PAX5: variants seen among roughly 807,000 people sequenced by gnomAD.
The protein encoded by PAX5 is paired box 5, also known as paired box protein Pax-5.
PAX5 carries 9 observed loss-of-function variants against 43.7 expected under a neutral mutation model. The ratio of observed to expected loss-of-function variants is 0.21; its 90% CI spans 0.12 to 0.36. The LOEUF (loss-of-function observed/expected upper bound fraction) is 0.36. PAX5 is among the 10% of genes least tolerant of loss of function. The pLI is 1.00. For missense variants in PAX5, 383 were observed against 532.7 expected, an observed-to-expected ratio of 0.72 and a Z score of 2.77; for synonymous variants, 228 against 214.3, an observed-to-expected ratio of 1.06 and a Z score of -0.56.
At chr9:36,927,794 C>T (rs754345908) in intron 6 of PAX5, among the ~76,000 whole-genome samples, 9 of 151,894 alleles carry the variant, frequency 5.9e-5, no homozygotes, top group Non-Finnish European at 1.0e-4. Context: ...CTGCAACCTC[C>T]GCCCCCCGGG....
chr9:36,940,034 T>G (rs1380918347), intron 6 of PAX5, among the ~76,000 whole-genome samples: 2 of 152,206 alleles, frequency 1.3e-5, no homozygotes, highest in African/African-American at 2.4e-5. Flanking sequence ...AGGCACCCAC[T>G]CCAGCCGGGG....
chr9:37,004,358 T>G (rs1838205242), intron 4 of PAX5, among the ~76,000 whole-genome samples: 1 of 152,336 alleles, frequency 6.6e-6, no homozygotes, highest in East Asian at 1.9e-4. Context: ...TCTTTTTTGA[T>G]TCATTAAAAC....
rs900101228 is a variant in PAX5 at position 36,882,827 on chromosome 9, G to C, written c.911-722C>G. 6.6e-6 allele frequency among the ~76,000 whole-genome samples: 1 copy of C among 152,262 alleles called. No homozygotes were observed. The highest frequency in any genetic ancestry group is 6.5e-5 in the Admixed American group (1 of 15,292). On this transcript the variant is annotated intron_variant, in intron 7 of 9. Transcript: ENST00000358127. This position sits in a 1 kb window ranked among gnomAD's most constrained non-coding sequence, Gnocchi z 4.4. ...CATGGGCGAGTGTCCAGCTCTTTCA[G>C]GCTGCTGTGCTTCTGACCATGAGTC...
rs571690236 is a variant in PAX5, at chr9:36,839,948, A to C, written c.*612T>G. 8.4e-6 allele frequency: 2 copies of C among 237,232 alleles called. No homozygotes were observed. The highest frequency in any genetic ancestry group is 3.4e-4 in the South Asian group (2 of 5,856). 14.7% of individuals were successfully genotyped at this position (237,232 alleles called of 1,614,324 possible). A position where few individuals can be genotyped will look rare whatever the true frequency, so the allele number is the denominator to read the frequency against. Reference sequence around the variant, plus strand: ...AACCAGCCCAGTGAGACTCCTCGTAAAGATACTAAAGAAGGAGGGATGAGC... The same window carrying C: ...AACCAGCCCAGTGAGACTCCTCGTACAGATACTAAAGAAGGAGGGATGAGC... On this transcript the variant is annotated 3_prime_UTR_variant, in exon 10 of 10. Coordinates refer to ENST00000358127, the MANE Select transcript of PAX5 (RefSeq NM_016734.3).
At chr9:36,923,995 G>C (rs1342087635) in intron 6 of PAX5, among the ~76,000 whole-genome samples, 2 of 152,282 alleles carry the variant, frequency 1.3e-5, no homozygotes, top group African/African-American at 4.8e-5. Flanking sequence ...AATAAACTGA[G>C]GCTCAAGGGG....
intron 7 of PAX5, among the ~76,000 whole-genome samples, chr9:36,886,122 C>A (rs1826886019): frequency 6.6e-6 from 1 of 152,110 alleles, no homozygotes; most frequent in South Asian, 2.1e-4. Context: ...CAGAGATGGA[C>A]CCAAACTGTG....
intron 7 of PAX5, among the ~76,000 whole-genome samples, chr9:36,896,599 G>A (rs895770119): frequency 1.3e-5 from 2 of 152,180 alleles, no homozygotes; most frequent in Admixed American, 6.5e-5. Flanking sequence ...TCCCTGAGAA[G>A]CAGATCAGGT....
intron 1 of PAX5, among the ~76,000 whole-genome samples, chr9:37,031,901 T>C (rs1841021541): frequency 6.6e-6 from 1 of 152,136 alleles, no homozygotes. Context: ...GCCCATGAAA[T>C]ACCCAGAAGT....
At chr9:36,851,896 C>G (rs1391313105) in intron 8 of PAX5, among the ~76,000 whole-genome samples, 1 of 152,196 alleles carries the variant, frequency 6.6e-6, no homozygotes, top group Non-Finnish European at 1.5e-5. Flanking sequence ...GTGCTCTGCT[C>G]TCTGCTGTTG....
chr9:36,952,780 T>C (rs1481169179), intron 6 of PAX5, among the ~76,000 whole-genome samples: 1 of 152,218 alleles, frequency 6.6e-6, no homozygotes, highest in Non-Finnish European at 1.5e-5. Context: ...TCCTGTCCCT[T>C]AGGACATTGC....
intron 7 of PAX5, among the ~76,000 whole-genome samples, chr9:36,889,950 G>A (rs923988626): frequency 7.1e-6 from 1 of 140,960 alleles, no homozygotes. Flanking sequence ...ACGGGGGGGG[G>A]GGGAATGTGA....
chr9:36,891,694 T>C (rs1587886968), intron 7 of PAX5, among the ~76,000 whole-genome samples: 1 of 152,138 alleles, frequency 6.6e-6, no homozygotes, highest in Non-Finnish European at 1.5e-5. Context: ...TAATGACAGG[T>C]TTATTAGCCA....
At chr9:36,984,176 A>G (rs1166991610) in intron 5 of PAX5, among the ~76,000 whole-genome samples, 1 of 152,158 alleles carries the variant, frequency 6.6e-6, no homozygotes, top group African/African-American at 2.4e-5. Context: ...CCAGGGAGAG[A>G]AAAATCACCT....
chr9:37,023,847 G>A (rs1268654583), intron 1 of PAX5, among the ~76,000 whole-genome samples: 1 of 152,172 alleles, frequency 6.6e-6, no homozygotes, highest in African/African-American at 2.4e-5. Flanking sequence ...GAAAGGGCAG[G>A]GAAGAAGTCT....
chr9:36,976,375 G>C (rs1489031949), intron 5 of PAX5, among the ~76,000 whole-genome samples: 1 of 152,118 alleles, frequency 6.6e-6, no homozygotes, highest in African/African-American at 2.4e-5. Context: ...AACAGGGAGG[G>C]GGGTCCTGGA....
chr9:37,003,131 G>A (rs1838062297), intron 4 of PAX5, among the ~76,000 whole-genome samples: 2 of 144,850 alleles, frequency 1.4e-5, no homozygotes, highest in South Asian at 2.3e-4. Context: ...GAGGGGAGCC[G>A]GGGCCCACCA....
chr9:36,861,885 C>G (rs1733626671), intron 8 of PAX5, among the ~76,000 whole-genome samples: 1 of 152,160 alleles, frequency 6.6e-6, no homozygotes, highest in African/African-American at 2.4e-5. Context: ...ACTAAAGGGT[C>G]ATGACTGGCA....
At chr9:36,842,652 A>G (rs886101193) in intron 9 of PAX5, among the ~76,000 whole-genome samples, 1 of 152,096 alleles carries the variant, frequency 6.6e-6, no homozygotes, top group African/African-American at 2.4e-5. Flanking sequence ...TCTAATTCAC[A>G]TTATGGTCAA....
chr9:36,989,952 G>A (rs1283345123), intron 5 of PAX5, among the ~76,000 whole-genome samples: 3 of 152,164 alleles, frequency 2.0e-5, no homozygotes, highest in Admixed American at 6.5e-5. Flanking sequence ...GAAAACAGGC[G>A]AGTGACAAAT....
Sources: gnomAD v4.1 joint callset for allele counts (sites outside exome capture counted in the v4.1 genomes callset) on GRCh38, gnomAD v4.1.1 for gene constraint, Gnocchi (gnomAD v3.1) non-coding constraint, MANE v1.5 for transcripts, NCBI Gene and HGNC (gene_info 2026-07-23, HGNC 2026-07-21) for gene names.